ARHGEF11: variants seen among roughly 807,000 people sequenced by gnomAD.
ARHGEF11 encodes Rho guanine exchange factor (GEF) 11.
A neutral mutation model predicts 193.7 loss-of-function variants in ARHGEF11; 55 were observed. That is an observed-to-expected ratio of 0.28 (90% CI 0.23 to 0.36). ARHGEF11 has a LOEUF of 0.36. ARHGEF11 is among the 10% of genes least tolerant of loss of function. The pLI, the probability that ARHGEF11 is intolerant of heterozygous loss-of-function variation, is 1.00. For missense variants in ARHGEF11, 1,723 were observed against 2,005.6 expected (o/e 0.86, Z 2.69); for synonymous variants, 693 against 768.0 (o/e 0.90, Z 1.62).
intron 19 of ARHGEF11, 108 bp from the exon 20 acceptor site, chr1:156,955,907 G>A (rs920054116): frequency 4.4e-5 from 37 of 835,884 alleles, no homozygotes; most frequent in Non-Finnish European, 4.3e-5. Context: ...CAAGTAACTG[G>A]AGAGCTGACT....
chr1:156,959,100 C>T lies in ARHGEF11; in HGVS notation c.1325G>A (p.Cys442Tyr). The T allele has an allele frequency of 6.2e-7, 1 of 1,614,224 alleles. No homozygotes were observed. Among genetic ancestry groups the T allele is most frequent in the South Asian group, 1.1e-5 (1 of 91,084 alleles). ...RNSEDARGVL[C>Y]EAQEAAMPEI... ...AGGCATGGCTGCCTCTTGAGCTTCA[C>T]AGAGAACACCACGGGCATCTTCGCT... The change falls in exon 16 of 41, where the codon TGT becomes TAT. Residue 442 changes from cysteine to tyrosine, a missense_variant. This residue lies in a region of ARHGEF11 where 646 missense variants were observed against 710.7 expected (regional missense o/e 0.91). Transcript: ENST00000368194.
At chr1:157,015,773 A>G (rs547837338) in intron 1 of ARHGEF11, among the ~76,000 whole-genome samples, 50 of 152,360 alleles carry the variant, frequency 3.3e-4, no homozygotes, top group African/African-American at 1.2e-3. Flanking sequence ...AAGGTCAGCC[A>G]TGGGACTCTT....
At chr1:156,973,185 C>T (rs1429935165) in intron 7 of ARHGEF11, among the ~76,000 whole-genome samples, 3 of 152,154 alleles carry the variant, frequency 2.0e-5, no homozygotes, top group Non-Finnish European at 4.4e-5. Flanking sequence ...ACTTTGGCCT[C>T]CCCAAGTGCT....
intron 22 of ARHGEF11, among the ~76,000 whole-genome samples, chr1:156,950,494 G>C (rs1156703892): frequency 6.6e-6 from 1 of 152,114 alleles, no homozygotes. Flanking sequence ...AAATCAATTA[G>C]CCAGGTGCAG....
intron 12 of ARHGEF11, 42 bp from the exon 13 acceptor site, chr1:156,963,346 G>A (rs1450816390): frequency 6.4e-7 from 1 of 1,568,644 alleles, no homozygotes; most frequent in Admixed American, 1.7e-5. Flanking sequence ...GCCGGGCACA[G>A]CAGCACAGCG....
chr1:156,951,107 T>G (rs1029234992), intron 22 of ARHGEF11, among the ~76,000 whole-genome samples: 2 of 152,236 alleles, frequency 1.3e-5, no homozygotes, highest in African/African-American at 4.8e-5. Flanking sequence ...TTACATCATT[T>G]GTCTTTAAAG....
At chr1:156,944,533 T>G in intron 30 of ARHGEF11, 100 bp from the exon 31 acceptor site, 1 of 1,311,960 alleles carries the variant, frequency 7.6e-7, no homozygotes, top group Non-Finnish European at 1.1e-6. Context: ...GTGCTGGGAA[T>G]TGGTAAATAA....
chr1:156,942,677 A>T lies in ARHGEF11; in HGVS notation c.3326+13T>A. ...GGACCACAGTTACGGGTAACCCCTC[A>T]ATCAATTCTCACGTGTTCTTGTCTG... is the stretch of plus-strand genomic sequence containing the variant. On this transcript the variant is annotated intron_variant, in intron 33 of 40. Coordinates refer to ENST00000368194, the MANE Select transcript of ARHGEF11 (RefSeq NM_198236.3). 6.2e-7 allele frequency: 1 copy of T among 1,612,304 alleles called. No individual in the cohort carries two copies. Among genetic ancestry groups the T allele is most frequent in the South Asian group, 1.1e-5 (1 of 90,998 alleles).
At chr1:157,015,990 A>C (rs867191837) in intron 1 of ARHGEF11, among the ~76,000 whole-genome samples, 3 of 152,338 alleles carry the variant, frequency 2.0e-5, no homozygotes, top group Admixed American at 1.3e-4. Flanking sequence ...CTGCAGTCTT[A>C]AAAATAAACC....
intron 1 of ARHGEF11, among the ~76,000 whole-genome samples, chr1:157,018,124 A>G (rs1016554655): frequency 6.6e-6 from 1 of 152,242 alleles, no homozygotes; most frequent in Non-Finnish European, 1.5e-5. Context: ...GATAAATTTG[A>G]TAAGAAATGT....
intron 1 of ARHGEF11, among the ~76,000 whole-genome samples, chr1:156,995,303 G>C (rs1666327483): frequency 6.6e-6 from 1 of 152,106 alleles, no homozygotes; most frequent in South Asian, 2.1e-4. Flanking sequence ...CAGGTCCTTG[G>C]GTGAGGGCTC....
At chr1:156,996,418 G>C (rs1234002467) in intron 1 of ARHGEF11, among the ~76,000 whole-genome samples, 3 of 152,096 alleles carry the variant, frequency 2.0e-5, no homozygotes, top group Middle Eastern at 3.2e-3. Context: ...GGACATTCTA[G>C]GGGAGGAAGC....
At chr1:157,031,813 A>C (rs368959893) in intron 1 of ARHGEF11, among the ~76,000 whole-genome samples, 1 of 152,196 alleles carries the variant, frequency 6.6e-6, no homozygotes, top group Non-Finnish European at 1.5e-5. Flanking sequence ...AGGGTAGAAC[A>C]ACCGATCACT....
chr1:156,963,417 C>T lies in ARHGEF11; in HGVS notation c.1038+103G>A, dbSNP rs965636765. The T allele has an allele frequency of 2.4e-5, 36 of 1,503,638 alleles. No individual in the cohort carries two copies. In the African/African-American group the frequency reaches 5.0e-4, roughly 21 times the overall value. 93.1% of individuals were successfully genotyped at this position (1,503,638 alleles called of 1,614,324 possible). On this transcript the variant is annotated intron_variant, in intron 12 of 40. Coordinates refer to ENST00000368194, the MANE Select transcript of ARHGEF11 (RefSeq NM_198236.3). ...GGGTTCATAACAGGAGGCTCCCCGC[C>T]TCAAGTTCCCTTCACAGCTGATGCT...
chr1:156,957,728 A>G (rs1419757086), intron 18 of ARHGEF11, 64 bp downstream of exon 18: 7 of 1,536,876 alleles, frequency 4.6e-6, no homozygotes, highest in East Asian at 4.5e-5. Flanking sequence ...AATGGAAAGC[A>G]TAGTAGCTCA....
chr1:156,946,206 T>C, intron 28 of ARHGEF11, 44 bp from the exon 29 acceptor site: 1 of 1,572,718 alleles, frequency 6.4e-7, no homozygotes, highest in African/African-American at 1.3e-5. Context: ...TCAGCGTGGC[T>C]GGGAGCTGGC....
Position 156,941,307 on chromosome 1 carries a change from C to A in ARHGEF11, c.3514+65G>T, listed in dbSNP as rs541991604. On this transcript the variant is annotated intron_variant, in intron 35 of 40. Transcript: ENST00000368194. ...GACTCTCCCATCGCCCCCATACTCA[C>A]ACCCAACCTGTGCCTACAGAAAAAG... The A allele has an allele frequency of 1.9e-5, 30 of 1,543,074 alleles. No homozygotes were observed. The South Asian group carries it at 3.4e-4, about 17-fold the overall frequency.
At chr1:156,996,116 T>C (rs1666448046) in intron 1 of ARHGEF11, among the ~76,000 whole-genome samples, 1 of 152,192 alleles carries the variant, frequency 6.6e-6, no homozygotes. Context: ...CAAAGACTAA[T>C]AAACTAGAAG....
chr1:156,970,322 CAAGA>C (rs1557880146), intron 8 of ARHGEF11, among the ~76,000 whole-genome samples: 1 of 151,996 alleles, frequency 6.6e-6, no homozygotes, highest in African/African-American at 2.4e-5. Flanking sequence ...TATTTGGATA[CAAGA>C]AAGAACTTCT....
Sources: allele counts gnomAD v4.1 joint callset (sites outside exome capture counted in the v4.1 genomes callset), GRCh38; gene constraint gnomAD v4.1.1; regional missense constraint gnomAD v4.1.1; transcripts MANE v1.5; gene names NCBI Gene and HGNC (gene_info 2026-07-23, HGNC 2026-07-21).